CARMIL1: variants seen among roughly 807,000 people sequenced by gnomAD.
CARMIL1 encodes the protein F-actin-uncapping protein LRRC16A.
Under a neutral mutation model 177.1 loss-of-function variants are expected in CARMIL1, and 90 were observed. The ratio of observed to expected loss-of-function variants is 0.51; its 90% CI spans 0.43 to 0.61. The LOEUF (loss-of-function observed/expected upper bound fraction) is 0.61. Among genes scored for constraint, CARMIL1 ranks in the 20% least tolerant of loss-of-function variants. The pLI is 0.00. For missense variants in CARMIL1, 1,380 were observed against 1,667.0 expected (o/e 0.83, Z 3.00); for synonymous variants, 577 against 606.2 (o/e 0.95, Z 0.71).
chr6:25,309,354 CAAAA>C (rs70975001), intron 2 of CARMIL1, among the ~76,000 whole-genome samples: 1 of 85,682 alleles, frequency 1.2e-5, no homozygotes. Flanking sequence ...GAGTCCCTCT[CAAAA>C]AAAAAAAAAA....
chr6:25,312,162 A>T (rs1057378306), intron 2 of CARMIL1, among the ~76,000 whole-genome samples: 9 of 152,154 alleles, frequency 5.9e-5, no homozygotes, highest in Admixed American at 3.3e-4. Context: ...TATCCTGTCT[A>T]TATTTCCTCT....
chr6:25,312,763 T>TC (rs1305887329), intron 2 of CARMIL1, among the ~76,000 whole-genome samples: 2 of 151,644 alleles, frequency 1.3e-5, no homozygotes, highest in East Asian at 1.9e-4. Flanking sequence ...TTTTTTTTTT[T>TC]CCCTGAGAAA....
intron 2 of CARMIL1, among the ~76,000 whole-genome samples, chr6:25,298,779 A>T (rs1261515981): frequency 2.8e-5 from 3 of 106,958 alleles, no homozygotes; most frequent in Admixed American, 1.1e-4. Context: ...TTTGAGACGG[A>T]GTTTTGCTCT....
intron 36 of CARMIL1, among the ~76,000 whole-genome samples, chr6:25,614,089 G>C (rs545941998): frequency 6.6e-6 from 1 of 152,266 alleles, no homozygotes; most frequent in Admixed American, 6.5e-5. Flanking sequence ...AAGTGGGAAC[G>C]GTTCTCTTTG....
chr6:25,296,248 C>T (rs1302685311), intron 2 of CARMIL1, among the ~76,000 whole-genome samples: 2 of 152,202 alleles, frequency 1.3e-5, no homozygotes, highest in Non-Finnish European at 2.9e-5. Context: ...GACCCTTTCA[C>T]TATCTCCCTG....
At chr6:25,386,294 C>G (rs1792152087) in intron 2 of CARMIL1, among the ~76,000 whole-genome samples, 1 of 152,024 alleles carries the variant, frequency 6.6e-6, no homozygotes, top group Non-Finnish European at 1.5e-5. Flanking sequence ...GCTCTGTCGC[C>G]CAGGCTGGAG....
intron 5 of CARMIL1, among the ~76,000 whole-genome samples, chr6:25,441,328 T>A (rs1251074049): frequency 4.7e-4 from 36 of 76,412 alleles, no homozygotes; most frequent in African/African-American, 1.5e-3. Context: ...AACATATATA[T>A]ATATATATAT....
intron 24 of CARMIL1, 87 bp from the exon 25 acceptor site, chr6:25,537,768 T>A: frequency 6.6e-7 from 1 of 1,514,864 alleles, no homozygotes; most frequent in Non-Finnish European, 8.9e-7. Flanking sequence ...GCTGAAGTTT[T>A]TTTCATACTC....
intron 17 of CARMIL1, among the ~76,000 whole-genome samples, chr6:25,507,296 AC>A (rs1369584798): frequency 6.6e-6 from 1 of 152,180 alleles, no homozygotes; most frequent in Non-Finnish European, 1.5e-5. Context: ...GTTCTTGGTA[AC>A]TAAAGCTTAG....
Position 25,605,010 on chromosome 6 carries a change from G to A in CARMIL1, c.3634+117G>A, listed in dbSNP as rs535964792. The A allele has an allele frequency of 3.8e-5, 29 of 760,040 alleles. 1 individual carries two copies. The South Asian group carries it at 4.5e-4, about 12-fold the overall frequency. 47.1% of individuals were successfully genotyped at this position (760,040 alleles called of 1,614,324 possible). A position where few individuals can be genotyped will look rare whatever the true frequency, so the allele number is the denominator to read the frequency against. ...GGAGGCAAGAACTGATCTCTTTGTT[G>A]TGTGTTCTCAGCTATCATCTGAAAG... On this transcript the variant is annotated intron_variant, in intron 34 of 36. Coordinates refer to ENST00000329474, the MANE Select transcript of CARMIL1 (RefSeq NM_017640.6).
At chr6:25,292,906 T>A (rs1782088254) in intron 2 of CARMIL1, among the ~76,000 whole-genome samples, 4 of 152,138 alleles carry the variant, frequency 2.6e-5, no homozygotes. Context: ...GGGAGAACTC[T>A]TCTTTTTTTC....
In CARMIL1 at chr6:25,619,641, A is replaced by G. The variant is rs1238899652; in HGVS notation, c.*58A>G. On this transcript the variant is annotated 3_prime_UTR_variant, in exon 37 of 37. Transcript: ENST00000329474. ...GTGCTTTGGTAGCCATCAGAGAGGA[A>G]CCAAGGGCAACATCTTTTCTTCCCA... 7 of 1,521,090 alleles carry G rather than the reference A, an allele frequency of 4.6e-6. No individual in the cohort carries two copies. Among genetic ancestry groups the G allele is most frequent in the Non-Finnish European group, 6.2e-6 (7 of 1,134,802 alleles). The allele number at this position is 1,521,090 out of a possible 1,614,324, so 94.2% of individuals were successfully genotyped here. A position where few individuals can be genotyped will look rare whatever the true frequency, so the allele number is the denominator to read the frequency against.
At position 25,610,157 on chromosome 6, in the gene CARMIL1, A is replaced by G; in HGVS notation, c.3955A>G (p.Ser1319Gly). The change falls in exon 36 of 37, where the codon AGC becomes GGC. Residue 1319 changes from serine to glycine, a missense_variant. Coordinates refer to ENST00000329474, the MANE Select transcript of CARMIL1 (RefSeq NM_017640.6). ...AGATGGCCAGAGTAGCCCCCAGCCC[A>G]GCCCCAGGACATTTTCACAGGAAGG... The part of the protein sequence containing the change: ...ERDGQSSPQP[S>G]PRTFSQEVSR... 1 of 1,613,816 alleles carries G rather than the reference A, an allele frequency of 6.2e-7. No homozygotes were observed.
intron 22 of CARMIL1, 93 bp from the exon 23 acceptor site, chr6:25,520,151 C>G (rs1421728609): frequency 1.6e-5 from 10 of 621,150 alleles, no homozygotes; most frequent in Admixed American, 1.5e-4. Context: ...GCTACTCTTG[C>G]AGCTATCCTT....
intron 3 of CARMIL1, 125 bp downstream of exon 3, chr6:25,420,289 A>G: frequency 1.1e-6 from 1 of 872,436 alleles, no homozygotes; most frequent in Non-Finnish European, 1.9e-6. Context: ...CAACACACAC[A>G]CACCTCACTT....
At chr6:25,518,987 A>G (rs1314288099) in intron 22 of CARMIL1, among the ~76,000 whole-genome samples, 3 of 152,238 alleles carry the variant, frequency 2.0e-5, no homozygotes, top group Non-Finnish European at 4.4e-5. Context: ...AAATTAAAGC[A>G]ATAGAAATTA....
At chr6:25,519,674 A>C (rs772582710) in intron 22 of CARMIL1, among the ~76,000 whole-genome samples, 1 of 152,258 alleles carries the variant, frequency 6.6e-6, no homozygotes, top group Non-Finnish European at 1.5e-5. Flanking sequence ...CTTTCCCAGC[A>C]GCTTTAAAAG....
At chr6:25,574,919 G>A (rs1018910180) in intron 29 of CARMIL1, among the ~76,000 whole-genome samples, 2 of 152,074 alleles carry the variant, frequency 1.3e-5, no homozygotes, top group African/African-American at 4.8e-5. Flanking sequence ...GGGAATAGAA[G>A]AATTTTAAAA....
intron 33 of CARMIL1, among the ~76,000 whole-genome samples, chr6:25,604,454 C>T (rs977433191): frequency 5.3e-5 from 8 of 152,154 alleles, no homozygotes; most frequent in Non-Finnish European, 8.8e-5. Flanking sequence ...GCCCTCATCA[C>T]ATAAAGCATC....
Sources: allele counts gnomAD v4.1 joint callset (sites outside exome capture counted in the v4.1 genomes callset), GRCh38; gene constraint gnomAD v4.1.1; transcripts MANE v1.5; gene names NCBI Gene and HGNC (gene_info 2026-07-23, HGNC 2026-07-21).